ADCY7: variants seen among roughly 807,000 people sequenced by gnomAD.
The protein encoded by ADCY7 is adenylate cyclase type 7.
A neutral mutation model predicts 120.6 loss-of-function variants in ADCY7; 72 were observed. That is an observed-to-expected ratio of 0.60 (90% CI 0.49 to 0.73). The LOEUF is 0.73. Among genes scored for constraint, ADCY7 ranks in the 30% least tolerant of loss-of-function variants. The pLI is 0.00. For synonymous variants in ADCY7, 661 were observed against 628.0 expected (o/e 1.05, Z -0.78); for missense variants, 1,227 against 1,486.0 (o/e 0.83, Z 2.87).
upstream of ADCY7, among the ~76,000 whole-genome samples, chr16:50,264,766 C>A (rs1438506017): frequency 6.6e-6 from 1 of 151,696 alleles, no homozygotes; most frequent in South Asian, 2.1e-4. Context: ...GTTGAAGTAC[C>A]TGTGTAAGTC....
At chr16:50,288,570 T>G (rs1245084662) in intron 2 of ADCY7, among the ~76,000 whole-genome samples, 3 of 152,198 alleles carry the variant, frequency 2.0e-5, no homozygotes, top group Non-Finnish European at 4.4e-5. Context: ...CTCCATCTCC[T>G]GGGCTCAAGC....
chr16:50,317,998 G>A lies in ADCY7; in HGVS notation c.*2493G>A, dbSNP rs537411465. On this transcript the variant is annotated 3_prime_UTR_variant, in exon 26 of 26. Transcript: ENST00000673801. ...AGAAATATGATTTGAGGTGGTGCAT[G>A]CAAGTAACTAGGGTTTATTCTATAT... 2.6e-5 allele frequency: 4 copies of A among 152,462 alleles called. No individual in the cohort carries two copies. The East Asian group carries it at 7.5e-4, about 29-fold the overall frequency. The allele number at this position is 152,462 out of a possible 1,614,324, so 9.4% of individuals were successfully genotyped here.
chr16:50,246,670 A>C (rs2032598348), intron 1 of ADCY7, among the ~76,000 whole-genome samples: 1 of 152,118 alleles, frequency 6.6e-6, no homozygotes, highest in Non-Finnish European at 1.5e-5. Context: ...CTCCCGCCGG[A>C]GCCAGCAGCG....
chr16:50,294,418 C>T (rs760684877), intron 6 of ADCY7, among the ~76,000 whole-genome samples: 3 of 152,176 alleles, frequency 2.0e-5, no homozygotes, highest in Admixed American at 6.5e-5. Context: ...CCTGTAGGCT[C>T]TGAATTTTGC....
chr16:50,281,954 C>G (rs2150907281), intron 1 of ADCY7, among the ~76,000 whole-genome samples: 1 of 152,320 alleles, frequency 6.6e-6, no homozygotes, highest in East Asian at 1.9e-4. Context: ...GCCGGCAGGA[C>G]CGGGGGCGCG....
At chr16:50,298,412 GCCTCCTGGGAACATCACTTC>G (rs1293002177) in intron 7 of ADCY7, among the ~76,000 whole-genome samples, 1 of 152,140 alleles carries the variant, frequency 6.6e-6, no homozygotes, top group Non-Finnish European at 1.5e-5. Flanking sequence ...GTCTTCGCTG[GCCTCCTGGGAACATCACTTC>G]CCTCCTGTGC....
At chr16:50,263,372 C>G (rs1352547645), upstream of ADCY7, among the ~76,000 whole-genome samples, 1 of 152,032 alleles carries the variant, frequency 6.6e-6, no homozygotes, top group Non-Finnish European at 1.5e-5. Context: ...TGAGGCAGTG[C>G]TGAGGCTGCA....
rs748553274 is a variant in ADCY7 at position 50,292,661 on chromosome 16, C to G, written c.538-15C>G. 4.2e-5 allele frequency: 67 copies of G among 1,612,776 alleles called. No individual in the cohort carries two copies. Among genetic ancestry groups the G allele is most frequent in the Admixed American group, 5.0e-5 (3 of 59,946 alleles). ...GCCAGGCCACATAATGAGCCAAACC[C>G]CTGTCTACCCGCAGCTGCTGGCCAA... On this transcript the variant is annotated splice_polypyrimidine_tract_variant and intron_variant, in intron 4 of 25. Coordinates refer to ENST00000673801, the MANE Select transcript of ADCY7 (RefSeq NM_001114.5).
At chr16:50,278,724 G>T (rs2034057863) in intron 1 of ADCY7, among the ~76,000 whole-genome samples, 1 of 152,138 alleles carries the variant, frequency 6.6e-6, no homozygotes, top group African/African-American at 2.4e-5. Flanking sequence ...CAGCTTGCTT[G>T]CTGTCTTGTG....
At chr16:50,255,402 G>GAAAAAAAAAAAAAAAAAAA (rs60335173) in intron 1 of ADCY7, among the ~76,000 whole-genome samples, 1 of 108,134 alleles carries the variant, frequency 9.2e-6, no homozygotes, top group African/African-American at 3.7e-5. Flanking sequence ...TCTGTTTCTG[G>GAAAAAAAAAAAAAAAAAAA]AAAAAAAAAA....
chr16:50,249,445 A>AAAC (rs57815436), intron 1 of ADCY7, among the ~76,000 whole-genome samples: 72,003 of 150,048 alleles, frequency 0.48, 17,757 homozygotes, highest in East Asian at 0.73. Context: ...ACTCCGTCTA[A>AAAC]AACAACAACA....
rs560595716 is a variant in ADCY7, at chr16:50,299,986, G to T, written c.1077-729G>T. On this transcript the variant is annotated intron_variant, in intron 8 of 25. Transcript: ENST00000673801. ...GCCCCTGCTTCCCAGGGATTGGGGG[G>T]GCATAGAAGGTGCCCATGGTCTGGG... Among the ~76,000 whole-genome samples the T allele has an allele frequency of 2.6e-5, 4 of 152,302 alleles. No individual in the cohort carries two copies. In the South Asian group the frequency reaches 8.3e-4, roughly 32 times the overall value.
At chr16:50,270,925 A>G (rs1365380564) in intron 1 of ADCY7, among the ~76,000 whole-genome samples, 1 of 152,096 alleles carries the variant, frequency 6.6e-6, no homozygotes, top group East Asian at 1.9e-4. Flanking sequence ...TCATCTGTGC[A>G]GTGGCCCCCT....
intron 1 of ADCY7, among the ~76,000 whole-genome samples, chr16:50,278,874 CTTT>C (rs869067221): frequency 1.4e-4 from 11 of 79,668 alleles, no homozygotes; most frequent in South Asian, 4.4e-4. Context: ...CTCTCTCTCT[CTTT>C]TTTTTTTTTT....
intron 25 of ADCY7, 97 bp from the exon 26 acceptor site, chr16:50,315,262 G>C: frequency 6.4e-7 from 1 of 1,566,732 alleles, no homozygotes; most frequent in Non-Finnish European, 8.7e-7. Flanking sequence ...CACTCTCCAG[G>C]GAAGGCAGAC....
intron 1 of ADCY7, among the ~76,000 whole-genome samples, chr16:50,283,113 C>A (rs374393271): frequency 6.6e-6 from 1 of 152,150 alleles, no homozygotes; most frequent in African/African-American, 2.4e-5. Context: ...GACTCTGAAC[C>A]CACTGAGGGG....
chr16:50,280,444 G>C (rs939575047), intron 1 of ADCY7, among the ~76,000 whole-genome samples: 1 of 149,220 alleles, frequency 6.7e-6, no homozygotes, highest in Non-Finnish European at 1.5e-5. Context: ...ATTTTCTTCA[G>C]TTCAGCTCTG....
intron 1 of ADCY7, among the ~76,000 whole-genome samples, chr16:50,287,263 C>T (rs926780505): frequency 6.6e-6 from 1 of 151,906 alleles, no homozygotes; most frequent in South Asian, 2.1e-4. Context: ...GATCTGCCTG[C>T]CTCGACCTCT....
chr16:50,312,080 CAAG>C lies in ADCY7; in HGVS notation c.2497_2499del (p.Lys833del), dbSNP rs2036518651. ...TGGACTGCCTATGGAAGAAGAAGTTCAAGAAGGAGCACGAGGAGTTTGAGACCA... is the reference window on the plus strand; with the variant it reads ...TGGACTGCCTATGGAAGAAGAAGTTCAAGGAGCACGAGGAGTTTGAGACCA... On this transcript the variant is annotated inframe_deletion, in exon 21 of 26. Coordinates refer to ENST00000673801, the MANE Select transcript of ADCY7 (RefSeq NM_001114.5). The C allele has an allele frequency of 3.7e-6, 6 of 1,614,190 alleles. No individual in the cohort carries two copies. Among genetic ancestry groups the C allele is most frequent in the Non-Finnish European group, 4.2e-6 (5 of 1,180,028 alleles).
Sources: allele counts gnomAD v4.1 joint callset (sites outside exome capture counted in the v4.1 genomes callset), GRCh38; gene constraint gnomAD v4.1.1; transcripts MANE v1.5; gene names NCBI Gene and HGNC (gene_info 2026-07-23, HGNC 2026-07-21).